The following EFCAB11 variants were observed in gnomAD, a reference collection of about 807,000 sequenced individuals.
The protein encoded by EFCAB11 is EF-hand calcium binding domain 11.
Under a neutral mutation model 23.0 loss-of-function variants are expected in EFCAB11, and 14 were observed. That is an observed-to-expected ratio of 0.61 (90% CI 0.40 to 0.95). The LOEUF (loss-of-function observed/expected upper bound fraction) is 0.95, where lower values mean the gene tolerates loss of function less well. Ranked by LOEUF, EFCAB11 falls within the 40% of genes least tolerant of loss-of-function variation. EFCAB11 has a pLI of 0.00. For synonymous variants in EFCAB11, 65 were observed against 66.6 expected, an observed-to-expected ratio of 0.98 and a Z score of 0.11; for missense variants, 198 against 195.8, an observed-to-expected ratio of 1.01 and a Z score of -0.07.
intron 5 of EFCAB11, among the ~76,000 whole-genome samples, chr14:89,840,840 T>G (rs1887237859): frequency 6.6e-6 from 1 of 152,238 alleles, no homozygotes; most frequent in African/African-American, 2.4e-5. Flanking sequence ...AATGATGTTT[T>G]GGTTAAAAAG....
At chr14:89,882,765 A>G (rs1330966540) in intron 5 of EFCAB11, among the ~76,000 whole-genome samples, 1 of 152,216 alleles carries the variant, frequency 6.6e-6, no homozygotes, top group African/African-American at 2.4e-5. Flanking sequence ...AGAGCTAAAA[A>G]GTCCTACAGC....
At chr14:89,890,034 C>T (rs2140187121) in intron 5 of EFCAB11, among the ~76,000 whole-genome samples, 1 of 152,290 alleles carries the variant, frequency 6.6e-6, no homozygotes, top group South Asian at 2.1e-4. Context: ...GGGGACCCAT[C>T]AACACACTTG....
At chr14:89,833,407 A>G (rs942763920) in intron 5 of EFCAB11, among the ~76,000 whole-genome samples, 12 of 152,254 alleles carry the variant, frequency 7.9e-5, no homozygotes, top group Middle Eastern at 3.2e-3. Flanking sequence ...ATCTTTTCAT[A>G]TATTACATAA....
intron 5 of EFCAB11, among the ~76,000 whole-genome samples, chr14:89,928,557 G>A (rs1596459754): frequency 6.6e-6 from 1 of 151,534 alleles, no homozygotes; most frequent in East Asian, 1.9e-4. Flanking sequence ...AAAGGTTTAG[G>A]AATTTGAAAA....
chr14:89,885,333 T>C (rs1280086161), intron 5 of EFCAB11, among the ~76,000 whole-genome samples: 1 of 152,142 alleles, frequency 6.6e-6, no homozygotes, highest in African/African-American at 2.4e-5. Context: ...CATTTTGGCA[T>C]TGTCAGTTCT....
chr14:89,954,630 G>C lies in EFCAB11; in HGVS notation c.31C>G (p.Arg11Gly), dbSNP rs201701998. 6.2e-7 allele frequency: 1 copy of C among 1,613,380 alleles called. No homozygotes were observed. Among genetic ancestry groups the C allele is most frequent in the Non-Finnish European group, 8.5e-7 (1 of 1,179,918 alleles). Residue 11 changes from arginine (R) to glycine (G), a missense_variant, in exon 1 of 6, where the codon CGG (arginine) becomes GGG (glycine). Coordinates refer to ENST00000316738, the MANE Select transcript of EFCAB11 (RefSeq NM_145231.4). ...TCCGAGGGACTGGCTTCCCACGTCCGCGACCTGGCTCTGGCCTCGGAGAAG... is the reference window on the plus strand; with the variant it reads ...TCCGAGGGACTGGCTTCCCACGTCCCCGACCTGGCTCTGGCCTCGGAGAAG... MFFSEARARS[R>G]TWEASPSEHR...
intron 5 of EFCAB11, among the ~76,000 whole-genome samples, chr14:89,839,833 A>G (rs766808061): frequency 1.3e-5 from 2 of 152,016 alleles, no homozygotes; most frequent in Non-Finnish European, 2.9e-5. Flanking sequence ...ACTCTGTAAC[A>G]ACCAGATCTT....
chr14:89,932,869 G>A lies in EFCAB11; in HGVS notation c.218-242C>T, dbSNP rs1164419457. On this transcript the variant is annotated intron_variant, in intron 3 of 5. Coordinates refer to ENST00000316738, the MANE Select transcript of EFCAB11 (RefSeq NM_145231.4). The stretch of plus-strand genomic sequence containing the variant: ...AGTGAAAACACAAGACACTTTTAGG[G>A]TTCACTGAGCTTTTTCCAGGGGTAA... 2.0e-5 allele frequency among the ~76,000 whole-genome samples: 3 copies of A among 152,174 alleles called. No homozygotes were observed. In the East Asian group the frequency reaches 5.8e-4, roughly 29 times the overall value.
chr14:89,871,602 C>T (rs1888270913), intron 5 of EFCAB11, among the ~76,000 whole-genome samples: 1 of 152,186 alleles, frequency 6.6e-6, no homozygotes, highest in South Asian at 2.1e-4. Flanking sequence ...TTGCATTATC[C>T]TATAATTTGC....
intron 5 of EFCAB11, among the ~76,000 whole-genome samples, chr14:89,863,968 C>A (rs547560471): frequency 6.6e-6 from 1 of 152,206 alleles, no homozygotes; most frequent in Non-Finnish European, 1.5e-5. Context: ...TCAAACTTTT[C>A]TTTAACCAAT....
chr14:89,942,625 G>A (rs1217408335), intron 3 of EFCAB11, among the ~76,000 whole-genome samples: 5 of 152,064 alleles, frequency 3.3e-5, no homozygotes, highest in Admixed American at 1.3e-4. Flanking sequence ...GTGATCTGCC[G>A]CTTCCTTTAA....
chr14:89,802,592 C>T (rs977205022), intron 5 of EFCAB11, among the ~76,000 whole-genome samples: 5 of 152,148 alleles, frequency 3.3e-5, no homozygotes, highest in Admixed American at 6.5e-5. Flanking sequence ...GGGGTTTCGC[C>T]ATGCTGACCA....
rs76395556 is a variant in EFCAB11, at chr14:89,803,471, G to A, written c.411-6147C>T. On this transcript the variant is annotated intron_variant, in intron 5 of 5. Transcript: ENST00000316738. ...TTGAGTCACTGTGATAATCACATGA[G>A]ATTTTGAAAGTTGATGCCATATTTG... 3.7e-3 allele frequency among the ~76,000 whole-genome samples: 566 copies of A among 152,348 alleles called. 2 individuals are homozygous for A. Among genetic ancestry groups the A allele is most frequent in the African/African-American group, 0.013 (553 of 41,582 alleles).
At chr14:89,946,376 T>A (rs557675729) in intron 3 of EFCAB11, among the ~76,000 whole-genome samples, 28 of 152,206 alleles carry the variant, frequency 1.8e-4, no homozygotes, top group Non-Finnish European at 4.1e-4. Flanking sequence ...TGCCCTTATG[T>A]TTAAAGTGGG....
At chr14:89,819,314 T>C (rs28451453) in intron 5 of EFCAB11, among the ~76,000 whole-genome samples, 16,462 of 149,396 alleles carry the variant, frequency 0.11, 1,424 homozygotes, top group African/African-American at 0.24. Context: ...ATGTGCAGTG[T>C]CAGAAAGCTG....
intron 5 of EFCAB11, among the ~76,000 whole-genome samples, chr14:89,874,506 G>A (rs557156025): frequency 1.3e-5 from 2 of 152,248 alleles, no homozygotes; most frequent in South Asian, 4.1e-4. Flanking sequence ...CTGTCATGCT[G>A]CAGATTTCCA....
intron 5 of EFCAB11, among the ~76,000 whole-genome samples, chr14:89,856,118 T>C (rs1220586370): frequency 1.3e-5 from 2 of 152,166 alleles, no homozygotes; most frequent in Non-Finnish European, 2.9e-5. Context: ...GAATTTTATT[T>C]CCTTTGGGTA....
At chr14:89,924,427 C>T in intron 5 of EFCAB11, 3 of 1,338,722 alleles carry the variant, frequency 2.2e-6, no homozygotes. Context: ...ATTCACATTT[C>T]ATCTCATGAC....
chr14:89,827,795 C>T (rs544973805), intron 5 of EFCAB11, among the ~76,000 whole-genome samples: 5 of 151,734 alleles, frequency 3.3e-5, no homozygotes, highest in Admixed American at 6.6e-5. Flanking sequence ...CACCATGCCC[C>T]GCTAATTTTG....
Sources: allele counts gnomAD v4.1 joint callset (sites outside exome capture counted in the v4.1 genomes callset), GRCh38; gene constraint gnomAD v4.1.1; transcripts MANE v1.5; gene names NCBI Gene and HGNC (gene_info 2026-07-23, HGNC 2026-07-21).